The following EPB41L3 variants were observed in gnomAD, a reference collection of about 807,000 sequenced individuals.
The protein encoded by EPB41L3 is erythrocyte membrane protein band 4.1 like 3.
EPB41L3 carries 57 observed loss-of-function variants against 127.1 expected under a neutral mutation model. The ratio of observed to expected loss-of-function variants is 0.45; its 90% confidence interval spans 0.36 to 0.56. EPB41L3 has a LOEUF of 0.56. Ranked by LOEUF, EPB41L3 falls within the 20% of genes least tolerant of loss-of-function variation. The pLI is 0.00. For synonymous variants in EPB41L3, 572 were observed against 549.5 expected (o/e 1.04, Z -0.57); for missense variants, 1,273 against 1,372.2 (o/e 0.93, Z 1.14).
chr18:5,425,669 C>G (rs1185172253), intron 9 of EPB41L3, among the ~76,000 whole-genome samples: 1 of 152,138 alleles, frequency 6.6e-6, no homozygotes, highest in Middle Eastern at 3.2e-3. Flanking sequence ...TCTTCAGAGT[C>G]TGTGTGTCTC....
At chr18:5,436,815 A>G (rs1323977397) in intron 6 of EPB41L3, among the ~76,000 whole-genome samples, 1 of 152,216 alleles carries the variant, frequency 6.6e-6, no homozygotes, top group Non-Finnish European at 1.5e-5. Context: ...TTTAAATAAG[A>G]AATTATAACT....
At chr18:5,553,339 G>T (rs904650164) in intron 3 of EPB41L3, among the ~76,000 whole-genome samples, 3 of 152,016 alleles carry the variant, frequency 2.0e-5, no homozygotes, top group Non-Finnish European at 4.4e-5. Context: ...TTTTACAAGT[G>T]ATTAAAAAAA....
intron 3 of EPB41L3, among the ~76,000 whole-genome samples, chr18:5,566,832 G>T (rs1461550513): frequency 7.2e-6 from 1 of 139,560 alleles, no homozygotes; most frequent in Non-Finnish European, 1.6e-5. Context: ...TGGAGATGGA[G>T]TCTCACTCTC....
At chr18:5,427,630 A>G (rs183746520) in intron 9 of EPB41L3, among the ~76,000 whole-genome samples, 144 of 152,370 alleles carry the variant, frequency 9.5e-4, no homozygotes, top group African/African-American at 3.3e-3. Flanking sequence ...TGTTCACTTT[A>G]AAGTACAACC....
chr18:5,595,219 C>A (rs1466266892), intron 3 of EPB41L3, among the ~76,000 whole-genome samples: 2 of 152,152 alleles, frequency 1.3e-5, no homozygotes, highest in African/African-American at 4.8e-5. Context: ...CCAAGAGAAT[C>A]CTTGGAGCTA....
intron 13 of EPB41L3, among the ~76,000 whole-genome samples, chr18:5,415,395 C>T (rs2076670888): frequency 1.3e-5 from 2 of 152,186 alleles, no homozygotes; most frequent in Non-Finnish European, 1.5e-5. Context: ...TACATCCCCT[C>T]CGGGGATGCA....
At chr18:5,421,781 G>T in intron 11 of EPB41L3, among the ~76,000 whole-genome samples, 1 of 152,058 alleles carries the variant, frequency 6.6e-6, no homozygotes, top group Admixed American at 6.5e-5. Context: ...GTATGCAAAG[G>T]CACAGAGTAA....
chr18:5,500,676 A>C (rs906660211), intron 1 of EPB41L3, among the ~76,000 whole-genome samples: 1 of 152,224 alleles, frequency 6.6e-6, no homozygotes, highest in South Asian at 2.1e-4. Context: ...CCTGGGCACA[A>C]ATAATCCGTG....
At chr18:5,494,426 G>A (rs1038895957) in intron 1 of EPB41L3, among the ~76,000 whole-genome samples, 16 of 152,236 alleles carry the variant, frequency 1.1e-4, no homozygotes, top group African/African-American at 2.4e-4. Context: ...GGAAGGCCAA[G>A]TCGGGTGGAT....
Position 5,543,213 on chromosome 18 carries a change from C to G in EPB41L3, c.-12+700G>C, listed in dbSNP as rs1483652129. 1 of 151,290 alleles carries G rather than the reference C, an allele frequency of 6.6e-6. No individual in the cohort carries two copies. The highest frequency in any genetic ancestry group is 2.4e-5 in the African/African-American group (1 of 41,364). 9.4% of individuals were successfully genotyped at this position (151,290 alleles called of 1,614,324 possible). On this transcript the variant is annotated intron_variant, in intron 1 of 22. Transcript: ENST00000341928. The surrounding 1 kb of genome is among the most constrained non-coding windows in gnomAD (Gnocchi z 5.2). ...CGCTTGGACGCTCCCTCCTCCTCCC[C>G]CACCGGCCGGGGGCCGCTGCCCCAG... is the stretch of plus-strand genomic sequence containing the variant.
At position 5,423,514 on chromosome 18, in the gene EPB41L3, G is replaced by A. The variant is rs1453728907; in HGVS notation, c.1203C>T (p.Thr401=). 6.2e-7 allele frequency: 1 copy of A among 1,612,990 alleles called. No homozygotes were observed. Among genetic ancestry groups the A allele is most frequent in the East Asian group, 2.2e-5 (1 of 44,860 alleles). Residue 401 remains threonine, a synonymous_variant, in exon 11 of 23, where the codon ACC becomes ACT. Transcript: ENST00000341928. Reference sequence around the variant, plus strand: ...CACTATAACGAAACTTGGAACCCAAGGTTAGGAATTTCTTGGGAGGTGCTT... The same window carrying A: ...CACTATAACGAAACTTGGAACCCAAAGTTAGGAATTTCTTGGGAGGTGCTT... ...LPEAPPKKFL[T]LGSKFRYSGR...
chr18:5,451,548 T>G (rs1244349829), intron 3 of EPB41L3, among the ~76,000 whole-genome samples: 2 of 152,230 alleles, frequency 1.3e-5, no homozygotes, highest in African/African-American at 4.8e-5. Flanking sequence ...CTCTGGGCAC[T>G]CACTTCATAT....
At chr18:5,457,034 T>C (rs2083202243) in intron 3 of EPB41L3, among the ~76,000 whole-genome samples, 1 of 152,250 alleles carries the variant, frequency 6.6e-6, no homozygotes, top group Admixed American at 6.5e-5. Flanking sequence ...TGACTATTCC[T>C]TTAAGTTCTG....
At chr18:5,597,100 G>C (rs754281272) in intron 3 of EPB41L3, among the ~76,000 whole-genome samples, 1 of 152,126 alleles carries the variant, frequency 6.6e-6, no homozygotes. Context: ...CTATAAGACT[G>C]GCTTGGACCA....
At chr18:5,395,454 C>A (rs1456482285) in intron 20 of EPB41L3, among the ~76,000 whole-genome samples, 155 bp downstream of exon 20, 2 of 152,200 alleles carry the variant, frequency 1.3e-5, no homozygotes. Flanking sequence ...CATCGTAAAT[C>A]TAGGGGCTGT....
chr18:5,426,268 G>A (rs1329565968), intron 9 of EPB41L3, among the ~76,000 whole-genome samples: 2 of 152,126 alleles, frequency 1.3e-5, no homozygotes, highest in African/African-American at 4.8e-5. Context: ...CTGTTTCAAA[G>A]GGATTTCAGT....
At chr18:5,487,136 T>C (rs1390574871) in intron 2 of EPB41L3, among the ~76,000 whole-genome samples, 1 of 152,134 alleles carries the variant, frequency 6.6e-6, no homozygotes, top group African/African-American at 2.4e-5. Flanking sequence ...AATGAAATAT[T>C]ATTCAGCCAT....
intron 3 of EPB41L3, among the ~76,000 whole-genome samples, chr18:5,477,335 G>A (rs1324381093): frequency 6.6e-6 from 1 of 152,222 alleles, no homozygotes; most frequent in Non-Finnish European, 1.5e-5. Context: ...GCACAAGCCT[G>A]AGGAAAGGGT....
Position 5,566,429 on chromosome 18 carries a change from G to A in EPB41L3, c.-306+45911C>T, listed in dbSNP as rs1369304536. On this transcript the variant is annotated intron_variant, in intron 3 of 21. Coordinates refer to the EPB41L3 transcript ENST00000545076. ...GGGACGCGAAGGACCTCTTCAAGGA[G>A]AACTACAAACCACTGCTTAATGAAA... Among the ~76,000 whole-genome samples the A allele has an allele frequency of 2.0e-5, 3 of 152,226 alleles. No homozygotes were observed. In the East Asian group the frequency reaches 5.8e-4, roughly 30 times the overall value.
Sources: allele counts gnomAD v4.1 joint callset (sites outside exome capture counted in the v4.1 genomes callset), GRCh38; gene constraint gnomAD v4.1.1; non-coding constraint Gnocchi (gnomAD v3.1); transcripts MANE v1.5; gene names NCBI Gene and HGNC (gene_info 2026-07-23, HGNC 2026-07-21).